Variants in ZDHHC2 observed in about 807,000 individuals in gnomAD.
ZDHHC2 encodes zDHHC palmitoyltransferase 2.
A neutral mutation model predicts 55.6 loss-of-function variants in ZDHHC2; 51 were observed. The ratio of observed to expected loss-of-function variants is 0.92; its 90% CI spans 0.73 to 1.16. The LOEUF (loss-of-function observed/expected upper bound fraction) is 1.16, where lower values mean the gene tolerates loss of function less well. ZDHHC2 is among the 50% of genes most tolerant of loss of function. The pLI, the probability that ZDHHC2 is intolerant of heterozygous loss-of-function variation, is 0.00. For missense variants in ZDHHC2, 491 were observed against 442.4 expected, an observed-to-expected ratio of 1.11 and a Z score of -0.99; for synonymous variants, 199 against 152.9, an observed-to-expected ratio of 1.30 and a Z score of -2.22.
intron 3 of ZDHHC2, among the ~76,000 whole-genome samples, chr8:17,194,184 T>G (rs35754692): frequency 0.11 from 17,303 of 152,146 alleles, 1,209 homozygotes; most frequent in South Asian, 0.23. Context: ...GCATTTGGGT[T>G]GGTTCCAAGC....
At chr8:17,186,024 G>A (rs531527831) in intron 2 of ZDHHC2, among the ~76,000 whole-genome samples, 4 of 152,266 alleles carry the variant, frequency 2.6e-5, no homozygotes, top group African/African-American at 7.2e-5. Flanking sequence ...AGGCGTAACT[G>A]CCTCATTTTT....
chr8:17,205,028 A>C (rs767936486), intron 6 of ZDHHC2, among the ~76,000 whole-genome samples: 4 of 152,190 alleles, frequency 2.6e-5, no homozygotes, highest in Admixed American at 2.6e-4. Context: ...AAATGACCTC[A>C]GAGTGTTTTA....
chr8:17,163,175 C>T (rs182107871), intron 1 of ZDHHC2, among the ~76,000 whole-genome samples: 30 of 152,302 alleles, frequency 2.0e-4, no homozygotes, highest in African/African-American at 6.3e-4. Context: ...GCGAGTGAAG[C>T]GGAGCTGACG....
chr8:17,214,796 G>A (rs997146955), intron 10 of ZDHHC2, among the ~76,000 whole-genome samples: 8 of 152,148 alleles, frequency 5.3e-5, no homozygotes, highest in South Asian at 2.1e-4. Context: ...CCAGCTACTC[G>A]GGAGGCTGAA....
At position 17,156,848 on chromosome 8, in the gene ZDHHC2, G is replaced by C; in HGVS notation, c.125G>C (p.Cys42Ser). The change falls in exon 1 of 13, where the codon TGC becomes TCC. Residue 42 changes from cysteine (C) to serine (S), a missense_variant. Transcript: ENST00000262096. Reference protein sequence around the residue: ...WSYYAYAIQLCIVSMENTGEQ... With the variant: ...WSYYAYAIQLSIVSMENTGEQ... ...TACTACGCCTACGCCATCCAGCTGT[G>C]CATAGGTGAGTGCGCCCCCCGCCGC... 6.7e-7 allele frequency: 1 copy of C among 1,501,082 alleles called. No homozygotes were observed. The highest frequency in any genetic ancestry group is 8.9e-7 in the Non-Finnish European group (1 of 1,123,810). The allele number at this position is 1,501,082 out of a possible 1,614,324, so 93.0% of individuals were successfully genotyped here. A position where few individuals can be genotyped will look rare whatever the true frequency, so the allele number is the denominator to read the frequency against.
At chr8:17,192,534 A>T (rs1292091823) in intron 3 of ZDHHC2, among the ~76,000 whole-genome samples, 2 of 152,194 alleles carry the variant, frequency 1.3e-5, no homozygotes, top group African/African-American at 4.8e-5. Flanking sequence ...TCCTTTATCA[A>T]ATGGGGAGTT....
intron 10 of ZDHHC2, among the ~76,000 whole-genome samples, chr8:17,214,874 A>T (rs759279115): frequency 2.6e-4 from 40 of 152,308 alleles, no homozygotes; most frequent in African/African-American, 9.6e-4. Context: ...AGCCTGGGCA[A>T]TAGAGTGAGA....
intron 3 of ZDHHC2, among the ~76,000 whole-genome samples, chr8:17,193,086 A>T (rs890980049): frequency 6.6e-6 from 1 of 152,224 alleles, no homozygotes; most frequent in Non-Finnish European, 1.5e-5. Flanking sequence ...TATAATTTGA[A>T]GTCAGGTAAT....
intron 11 of ZDHHC2, 73 bp downstream of exon 11, chr8:17,215,422 C>T (rs1807603350): frequency 1.8e-6 from 2 of 1,133,700 alleles, no homozygotes. Flanking sequence ...AAAAAAAATC[C>T]ATTATACTAC....
intron 1 of ZDHHC2, among the ~76,000 whole-genome samples, chr8:17,182,541 C>G (rs573205542): frequency 6.6e-6 from 1 of 152,000 alleles, no homozygotes; most frequent in East Asian, 1.9e-4. Context: ...AAATGTTACA[C>G]AATTATTTAC....
chr8:17,208,051 G>T lies in ZDHHC2; in HGVS notation c.689G>T (p.Gly230Val). The change falls in exon 8 of 13, where the codon GGC becomes GTC. Residue 230 changes from glycine (G) to valine (V), a missense_variant. Gly to Val is a moderately radical substitution (Grantham distance 109). Transcript: ENST00000262096. ...TCTGTCAGCTTGTCTTCTCTGTTTGGCTATCATTGTTGGCTAGTCAGCAAA... is the reference window on the plus strand; with the variant it reads ...TCTGTCAGCTTGTCTTCTCTGTTTGTCTATCATTGTTGGCTAGTCAGCAAA... ...MFSVSLSSLF[G>V]YHCWLVSKNK... 2 of 1,590,028 alleles carry T rather than the reference G, an allele frequency of 1.3e-6. No individual in the cohort carries two copies. The highest frequency in any genetic ancestry group is 1.7e-6 in the Non-Finnish European group (2 of 1,166,906).
At chr8:17,175,334 T>C (rs913141763) in intron 1 of ZDHHC2, among the ~76,000 whole-genome samples, 2 of 152,162 alleles carry the variant, frequency 1.3e-5, no homozygotes, top group Admixed American at 1.3e-4. Context: ...ATTCTACTAA[T>C]TCACCCACAT....
rs1369567364 is a variant in ZDHHC2 at position 17,197,621 on chromosome 8, A to G, written c.413A>G (p.Asp138Gly). ...GACAGATGCCAACTTATAAAACCAG[A>G]TCGCTGCCATCACTGCTCCGTCTGT... Reference protein sequence around the residue: ...YCDRCQLIKPDRCHHCSVCDK... With the variant: ...YCDRCQLIKPGRCHHCSVCDK... Residue 138 changes from aspartate to glycine, a missense_variant, in exon 5 of 13, where the codon GAT (aspartate) becomes GGT (glycine). Transcript: ENST00000262096. The G allele has an allele frequency of 6.2e-7, 1 of 1,613,816 alleles. No individual in the cohort carries two copies. The highest frequency in any genetic ancestry group is 8.5e-7 in the Non-Finnish European group (1 of 1,179,772).
chr8:17,186,535 C>A, intron 3 of ZDHHC2, 110 bp downstream of exon 3: 1 of 612,844 alleles, frequency 1.6e-6, no homozygotes, highest in Non-Finnish European at 2.6e-6. Flanking sequence ...AGTTTAGTGA[C>A]TTTTTAGATT....
intron 6 of ZDHHC2, among the ~76,000 whole-genome samples, chr8:17,200,575 C>T (rs769490829): frequency 4.7e-4 from 71 of 152,186 alleles, no homozygotes; most frequent in Non-Finnish European, 8.7e-4. Flanking sequence ...CAGGTCAGTA[C>T]ATACCTATAA....
At chr8:17,190,951 C>CTTTTTTTTTTTTTTTTTTTT (rs10601402) in intron 3 of ZDHHC2, among the ~76,000 whole-genome samples, 3 of 52,760 alleles carry the variant, frequency 5.7e-5, no homozygotes, top group Non-Finnish European at 6.8e-5. Context: ...CTTATTCATT[C>CTTTTTTTTTTTTTTTTTTTT]TTTTTTTTTT....
chr8:17,171,567 C>G (rs556117753), intron 1 of ZDHHC2, among the ~76,000 whole-genome samples: 1 of 152,110 alleles, frequency 6.6e-6, no homozygotes, highest in East Asian at 1.9e-4. Context: ...GATTTAAATA[C>G]AAACATTCCG....
At chr8:17,211,263 C>A (rs977468250) in intron 10 of ZDHHC2, among the ~76,000 whole-genome samples, 7 of 152,130 alleles carry the variant, frequency 4.6e-5, no homozygotes, top group African/African-American at 1.7e-4. Context: ...CAATGAAAGC[C>A]AGTAGCAAAA....
intron 10 of ZDHHC2, among the ~76,000 whole-genome samples, chr8:17,211,617 A>T (rs918960995): frequency 1.3e-5 from 2 of 152,064 alleles, no homozygotes; most frequent in African/African-American, 4.8e-5. Context: ...TGCCCTTTTA[A>T]ATTGGGAATT....
Sources: gnomAD v4.1 joint callset for allele counts (sites outside exome capture counted in the v4.1 genomes callset) on GRCh38, gnomAD v4.1.1 for gene constraint, MANE v1.5 for transcripts, NCBI Gene and HGNC (gene_info 2026-07-23, HGNC 2026-07-21) for gene names.